RBFOX1: variants seen among roughly 807,000 people sequenced by gnomAD.
The protein encoded by RBFOX1 is RNA binding protein fox-1 homolog 1.
RBFOX1 carries 8 observed loss-of-function variants against 57.7 expected under a neutral mutation model. The observed-to-expected ratio is 0.14, with a 90% confidence interval of 0.08 to 0.25. RBFOX1 has a LOEUF of 0.25. RBFOX1 is among the 10% of genes least tolerant of loss of function. RBFOX1 has a pLI of 1.00. For synonymous variants in RBFOX1, 326 were observed against 222.4 expected, an observed-to-expected ratio of 1.47 and a Z score of -4.15; for missense variants, 611 against 548.5, an observed-to-expected ratio of 1.11 and a Z score of -1.14.
At chr16:7,392,871 G>GTTTT (rs1461267103) in intron 4 of RBFOX1, among the ~76,000 whole-genome samples, 1 of 151,784 alleles carries the variant, frequency 6.6e-6, no homozygotes, top group Non-Finnish European at 1.5e-5. Flanking sequence ...TTGTTTGTTT[G>GTTTT]TTTGTTTGTT....
At chr16:5,556,554 C>T (rs541098081) in intron 2 of RBFOX1, among the ~76,000 whole-genome samples, 6 of 152,318 alleles carry the variant, frequency 3.9e-5, no homozygotes, top group South Asian at 2.1e-4. Flanking sequence ...CTCTCCAAGA[C>T]GGCTGCCTGA....
intron 2 of RBFOX1, among the ~76,000 whole-genome samples, chr16:6,551,430 G>A (rs2096987343): frequency 6.6e-6 from 1 of 152,166 alleles, no homozygotes; most frequent in Admixed American, 6.5e-5. Flanking sequence ...GAGCTATTGT[G>A]AAAACTAAAG....
At chr16:6,487,678 AAAAAAAAAAAAAAAAAAAAAAAATAT>A (rs2095516384) in intron 2 of RBFOX1, among the ~76,000 whole-genome samples, 1 of 10,032 alleles carries the variant, frequency 1.0e-4, no homozygotes, top group African/African-American at 2.4e-4. Context: ...ATATGTAAAA[AAAAAAAAAAAAAAAAAAAAAAAATAT>A]ATATATATAT....
At chr16:5,608,056 A>G (rs1040567322) in intron 3 of RBFOX1, among the ~76,000 whole-genome samples, 2 of 152,334 alleles carry the variant, frequency 1.3e-5, no homozygotes, top group African/African-American at 4.8e-5. Flanking sequence ...GTCACAGAAT[A>G]GGCACATGTT....
intron 4 of RBFOX1, among the ~76,000 whole-genome samples, chr16:5,913,355 A>G (rs1213615184): frequency 2.0e-5 from 3 of 152,110 alleles, no homozygotes; most frequent in Admixed American, 6.5e-5. Context: ...TGTGATTCCA[A>G]TGTTGGAGAT....
chr16:6,147,347 T>G (rs2096766151), intron 1 of RBFOX1, among the ~76,000 whole-genome samples: 1 of 152,186 alleles, frequency 6.6e-6, no homozygotes, highest in Non-Finnish European at 1.5e-5. Flanking sequence ...GATCCCAAGC[T>G]ATGACCTAAC....
intron 4 of RBFOX1, among the ~76,000 whole-genome samples, chr16:7,393,635 C>T (rs947704044): frequency 6.6e-6 from 1 of 152,020 alleles, no homozygotes; most frequent in African/African-American, 2.4e-5. Flanking sequence ...GGAAACATAG[C>T]CTCAGCCTGA....
chr16:7,138,568 C>T (rs982735406), intron 4 of RBFOX1, among the ~76,000 whole-genome samples: 10 of 152,146 alleles, frequency 6.6e-5, no homozygotes, highest in African/African-American at 2.4e-4. Flanking sequence ...TTAATTTTAT[C>T]CTCATCCCCA....
intron 4 of RBFOX1, among the ~76,000 whole-genome samples, chr16:5,964,375 C>G (rs1489956354): frequency 1.3e-5 from 2 of 152,086 alleles, no homozygotes; most frequent in East Asian, 1.9e-4. Context: ...TACCATATGA[C>G]CCAACAATCC....
intron 1 of RBFOX1, among the ~76,000 whole-genome samples, chr16:6,210,389 G>A (rs1432376451): frequency 5.3e-5 from 7 of 132,312 alleles, no homozygotes; most frequent in African/African-American, 1.7e-4. Context: ...GAGAAAGGAA[G>A]GAAGGAAAGA....
intron 2 of RBFOX1, among the ~76,000 whole-genome samples, chr16:6,613,906 C>A (rs988144936): frequency 6.6e-6 from 1 of 151,998 alleles, no homozygotes; most frequent in Non-Finnish European, 1.5e-5. Context: ...CCACTGCACT[C>A]CAGCCTGGGC....
At chr16:7,705,427 C>T (rs982152919) in intron 14 of RBFOX1, among the ~76,000 whole-genome samples, 3 of 152,130 alleles carry the variant, frequency 2.0e-5, no homozygotes, top group Non-Finnish European at 2.9e-5. Flanking sequence ...ATGGCATGAA[C>T]TTGAGGGACG....
chr16:5,468,786 C>A (rs79837468), intron 2 of RBFOX1, among the ~76,000 whole-genome samples: 2 of 152,182 alleles, frequency 1.3e-5, no homozygotes, highest in African/African-American at 4.8e-5. Context: ...TTGGCTTGAC[C>A]TGGATCCTCT....
In RBFOX1 at chr16:7,285,564, A is replaced by G. The variant is rs2095634167; in HGVS notation, c.28-232583A>G. On this transcript the variant is annotated intron_variant, in intron 4 of 15. Transcript: ENST00000550418. Reference sequence around the variant, plus strand: ...CCCCCGCCCCCACTCCCAATTCCTAATTTCTGGCAAACACTAATTTTCTCT... The same window carrying G: ...CCCCCGCCCCCACTCCCAATTCCTAGTTTCTGGCAAACACTAATTTTCTCT... 3.3e-5 allele frequency among the ~76,000 whole-genome samples: 5 copies of G among 151,802 alleles called. No homozygotes were observed. The South Asian group carries it at 1.0e-3, about 32-fold the overall frequency.
intron 1 of RBFOX1, among the ~76,000 whole-genome samples, chr16:5,411,319 G>T (rs891277230): frequency 2.6e-5 from 4 of 152,230 alleles, no homozygotes; most frequent in African/African-American, 9.6e-5. Context: ...ACGAGTCACA[G>T]TAAGAGAGAA....
At chr16:7,013,232 G>T (rs1159738474) in intron 3 of RBFOX1, among the ~76,000 whole-genome samples, 1 of 152,056 alleles carries the variant, frequency 6.6e-6, no homozygotes, top group Non-Finnish European at 1.5e-5. Context: ...CCTTTCTTTG[G>T]TGAAAAAATG....
At chr16:6,986,777 C>G (rs866469737) in intron 3 of RBFOX1, among the ~76,000 whole-genome samples, 2 of 152,102 alleles carry the variant, frequency 1.3e-5, no homozygotes, top group Non-Finnish European at 1.5e-5. Context: ...GCCTCCTCCA[C>G]TTGCCTTTAA....
At chr16:7,629,792 C>G (rs2060643208) in intron 10 of RBFOX1, among the ~76,000 whole-genome samples, 1 of 152,208 alleles carries the variant, frequency 6.6e-6, no homozygotes, top group South Asian at 2.1e-4. Flanking sequence ...CGCTTTAAAT[C>G]AGGAGGAGGC....
At chr16:5,489,767 A>G (rs1359246770) in intron 2 of RBFOX1, among the ~76,000 whole-genome samples, 7 of 152,178 alleles carry the variant, frequency 4.6e-5, no homozygotes, top group African/African-American at 1.7e-4. Flanking sequence ...CTGTCTCTCC[A>G]AGAGGGCAAA....
Sources: allele counts gnomAD v4.1 joint callset (sites outside exome capture counted in the v4.1 genomes callset), GRCh38; gene constraint gnomAD v4.1.1; transcripts MANE v1.5; gene names NCBI Gene and HGNC (gene_info 2026-07-23, HGNC 2026-07-21).